Variants in RYR2 observed in about 807,000 individuals in gnomAD.
RYR2 encodes the protein ryanodine receptor 2.
RYR2 carries 227 observed loss-of-function variants against 601.1 expected under a neutral mutation model. The ratio of observed to expected loss-of-function variants is 0.38; its 90% CI spans 0.34 to 0.42. The LOEUF is 0.42. Among genes scored for constraint, RYR2 ranks in the 10% least tolerant of loss-of-function variants. The pLI, the probability that RYR2 is intolerant of heterozygous loss-of-function variation, is 1.00. For synonymous variants in RYR2, 2,223 were observed against 2,175.1 expected, an observed-to-expected ratio of 1.02 and a Z score of -0.61; for missense variants, 4,646 against 6,156.5, an observed-to-expected ratio of 0.75 and a Z score of 8.21.
intron 2 of RYR2, among the ~76,000 whole-genome samples, chr1:237,306,996 GTAACTTGTTCCTAAGA>G (rs1693942655): frequency 6.6e-6 from 1 of 152,096 alleles, no homozygotes; most frequent in Admixed American, 6.6e-5. Context: ...ACTACTTTCA[GTAACTTGTTCCTAAGA>G]AAACTGTAAT....
intron 96 of RYR2, among the ~76,000 whole-genome samples, chr1:237,797,834 C>A (rs1659439402): frequency 6.6e-6 from 1 of 152,106 alleles, no homozygotes. Context: ...TCTTGTTCCT[C>A]AGATAGGTAT....
chr1:237,092,490 TATACTATACAG>T lies in RYR2; in HGVS notation c.48+49924_48+49934del, dbSNP rs533127605. On this transcript the variant is annotated intron_variant, in intron 1 of 104. Coordinates refer to ENST00000366574, the MANE Select transcript of RYR2 (RefSeq NM_001035.3). Reference sequence around the variant, plus strand: ...ATGTAAACATTGTTTATATATGTGGTATACTATACAGATCACAGATAGTCTTTTTTTTTTTT... The same window carrying T: ...ATGTAAACATTGTTTATATATGTGGTATCACAGATAGTCTTTTTTTTTTTT... Among the ~76,000 whole-genome samples, 18 of 151,914 alleles carry T rather than the reference TATACTATACAG, an allele frequency of 1.2e-4. No homozygotes were observed. The South Asian group carries it at 3.3e-3, about 28-fold the overall frequency.
intron 45 of RYR2, among the ~76,000 whole-genome samples, chr1:237,638,706 TCTC>T (rs1000318058): frequency 1.3e-5 from 2 of 152,208 alleles, no homozygotes; most frequent in Non-Finnish European, 2.9e-5. Flanking sequence ...GCATCTAAGT[TCTC>T]CTAAATTTTT....
At chr1:237,644,224 T>G (rs1160092743) in intron 48 of RYR2, among the ~76,000 whole-genome samples, 1 of 152,052 alleles carries the variant, frequency 6.6e-6, no homozygotes, top group African/African-American at 2.4e-5. Flanking sequence ...AGAGTGTTTG[T>G]TGTTTTTTTG....
chr1:237,230,873 G>A (rs983946501), intron 1 of RYR2, among the ~76,000 whole-genome samples: 1 of 143,090 alleles, frequency 7.0e-6, no homozygotes, highest in Non-Finnish European at 1.5e-5. Flanking sequence ...GGCTTGCAGT[G>A]AGCTGAGATC....
At chr1:237,743,073 T>C (rs1421899994) in intron 80 of RYR2, among the ~76,000 whole-genome samples, 1 of 152,234 alleles carries the variant, frequency 6.6e-6, no homozygotes, top group Non-Finnish European at 1.5e-5. Context: ...TGTTTTGTTT[T>C]GTTTTTTTAG....
chr1:237,494,213 C>T (rs539357196), intron 19 of RYR2, among the ~76,000 whole-genome samples: 71 of 152,134 alleles, frequency 4.7e-4, no homozygotes, highest in East Asian at 1.9e-4. Context: ...GGAACAAGGA[C>T]GCCCGTCTGA....
intron 37 of RYR2, among the ~76,000 whole-genome samples, chr1:237,616,400 A>G (rs10925474): frequency 0.095 from 14,417 of 152,196 alleles, 1,464 homozygotes; most frequent in African/African-American, 0.26. Flanking sequence ...TGAATGAATG[A>G]GCATTCACCA....
At chr1:237,430,843 T>A (rs1289151357) in intron 12 of RYR2, among the ~76,000 whole-genome samples, 1 of 152,332 alleles carries the variant, frequency 6.6e-6, no homozygotes, top group East Asian at 1.9e-4. Flanking sequence ...ATATCCCTCC[T>A]AATATTCTCT....
intron 1 of RYR2, among the ~76,000 whole-genome samples, chr1:237,048,209 G>A (rs920706532): frequency 1.3e-5 from 2 of 152,130 alleles, no homozygotes; most frequent in South Asian, 4.1e-4. Flanking sequence ...GTCTGAGGCC[G>A]GAATCCACCA....
chr1:237,671,903 G>GC (rs1684983756), intron 58 of RYR2, among the ~76,000 whole-genome samples: 1 of 152,082 alleles, frequency 6.6e-6, no homozygotes, highest in Admixed American at 6.6e-5. Context: ...CTGTTGTTAA[G>GC]CCACAGACAG....
chr1:237,123,445 A>T (rs1223843914), intron 1 of RYR2, among the ~76,000 whole-genome samples: 2 of 151,956 alleles, frequency 1.3e-5, no homozygotes, highest in Non-Finnish European at 2.9e-5. Flanking sequence ...AAAATTAGCT[A>T]GATGTGGTGG....
At chr1:237,804,630 A>G (rs990917262) in intron 98 of RYR2, among the ~76,000 whole-genome samples, 36 of 152,136 alleles carry the variant, frequency 2.4e-4, no homozygotes, top group African/African-American at 8.2e-4. Flanking sequence ...TGAATAATCA[A>G]CATTAATTAT....
In RYR2 at chr1:237,166,424, G is replaced by A. The variant is rs1343151554; in HGVS notation, c.49-104073G>A. Among the ~76,000 whole-genome samples, 3 of 152,180 alleles carry A rather than the reference G, an allele frequency of 2.0e-5. No homozygotes were observed. In the East Asian group the frequency reaches 5.8e-4, roughly 29 times the overall value. On this transcript the variant is annotated intron_variant, in intron 1 of 104. Coordinates refer to ENST00000366574, the MANE Select transcript of RYR2 (RefSeq NM_001035.3). ...CACATGGATGGATCTTTTGAAATTT[G>A]AGATTTGCTATTCTTTACAATAAAA...
At chr1:237,510,628 A>G (rs957624733) in intron 23 of RYR2, among the ~76,000 whole-genome samples, 1 of 152,226 alleles carries the variant, frequency 6.6e-6, no homozygotes, top group Non-Finnish European at 1.5e-5. Context: ...GACTTAAAAA[A>G]AAAGCTCACT....
chr1:237,088,210 A>C (rs1572589270), intron 1 of RYR2, among the ~76,000 whole-genome samples: 1 of 152,052 alleles, frequency 6.6e-6, no homozygotes, highest in East Asian at 1.9e-4. Flanking sequence ...TAAAGCATGC[A>C]TGTCTGGCAT....
intron 102 of RYR2, among the ~76,000 whole-genome samples, chr1:237,829,065 C>G (rs923455807): frequency 2.6e-5 from 4 of 152,114 alleles, no homozygotes; most frequent in Non-Finnish European, 5.9e-5. Context: ...TTAGCAGCCT[C>G]AGTGCTACCA....
Position 237,548,455 on chromosome 1 carries a change from G to A in RYR2, c.2931G>A (p.Lys977=). The part of the protein sequence containing the change: ...PKNYQLTSGY[K]PAPMDLSFIK... ...GTTACCAGCTGACAAGTGGATACAA[G>A]CCTGCCCCTATGGACCTGAGCTTTA... The change falls in exon 26 of 105, where the codon AAG becomes AAA. Residue 977 remains lysine, a synonymous_variant. Coordinates refer to ENST00000366574, the MANE Select transcript of RYR2 (RefSeq NM_001035.3). 1 of 1,613,930 alleles carries A rather than the reference G, an allele frequency of 6.2e-7. No homozygotes were observed. The highest frequency in any genetic ancestry group is 8.5e-7 in the Non-Finnish European group (1 of 1,179,864).
At chr1:237,520,861 C>T (rs546761158) in intron 24 of RYR2, among the ~76,000 whole-genome samples, 1 of 151,990 alleles carries the variant, frequency 6.6e-6, no homozygotes, top group Non-Finnish European at 1.5e-5. Context: ...CATGGTGAAA[C>T]CCCAACTTTA....
Sources: gnomAD v4.1 joint callset for allele counts (sites outside exome capture counted in the v4.1 genomes callset) on GRCh38, gnomAD v4.1.1 for gene constraint, MANE v1.5 for transcripts, NCBI Gene and HGNC (gene_info 2026-07-23, HGNC 2026-07-21) for gene names.